The following PRKG1 variants were observed in gnomAD, a reference collection of about 807,000 sequenced individuals.
PRKG1 encodes the protein protein kinase cGMP-dependent 1.
A neutral mutation model predicts 88.1 loss-of-function variants in PRKG1; 35 were observed. That is an observed-to-expected ratio of 0.40 (90% CI 0.30 to 0.53). The LOEUF is 0.53. Ranked by LOEUF, PRKG1 falls within the 20% of genes least tolerant of loss-of-function variation. The probability of loss-of-function intolerance (pLI) is 0.59; values close to 1 mark genes in which losing one functional copy is unlikely to be tolerated. For synonymous variants in PRKG1, 303 were observed against 292.5 expected, an observed-to-expected ratio of 1.04 and a Z score of -0.37; for missense variants, 540 against 839.8, an observed-to-expected ratio of 0.64 and a Z score of 4.41.
chr10:52,130,103 T>C (rs1215082774), intron 7 of PRKG1, among the ~76,000 whole-genome samples: 2 of 152,238 alleles, frequency 1.3e-5, no homozygotes, highest in Non-Finnish European at 2.9e-5. Context: ...TCCCGACATG[T>C]ACTATATGCT....
At chr10:52,112,040 C>A (rs1420591629) in intron 7 of PRKG1, among the ~76,000 whole-genome samples, 1 of 152,196 alleles carries the variant, frequency 6.6e-6, no homozygotes, top group Non-Finnish European at 1.5e-5. Flanking sequence ...CTTCCATATA[C>A]CCTGAAGCCA....
intron 3 of PRKG1, among the ~76,000 whole-genome samples, chr10:51,747,134 G>A (rs984887237): frequency 2.5e-4 from 38 of 152,274 alleles, no homozygotes; most frequent in African/African-American, 9.1e-4. Context: ...GGAGAGGAAA[G>A]AATAAATTAT....
chr10:52,287,665 C>A (rs1842149254), intron 14 of PRKG1, among the ~76,000 whole-genome samples: 1 of 149,314 alleles, frequency 6.7e-6, no homozygotes, highest in Non-Finnish European at 1.5e-5. Context: ...CTCACTGAAG[C>A]TGCCACAAAC....
chr10:52,069,535 C>CA (rs574862259), intron 7 of PRKG1, among the ~76,000 whole-genome samples: 114 of 151,470 alleles, frequency 7.5e-4, no homozygotes, highest in African/African-American at 2.5e-3. Context: ...ATCTCAAAAA[C>CA]AAAAAAGAAA....
chr10:51,697,518 C>A lies in PRKG1; in HGVS notation c.593-107067C>A, dbSNP rs961162425. The A allele has an allele frequency of 8.0e-6, 5 of 625,978 alleles. No individual in the cohort carries two copies. In the Admixed American group the frequency reaches 1.2e-4, roughly 16 times the overall value. The allele number at this position is 625,978 out of a possible 1,614,324, so 38.8% of individuals were successfully genotyped here. A position where few individuals can be genotyped will look rare whatever the true frequency, so the allele number is the denominator to read the frequency against. On this transcript the variant is annotated intron_variant, in intron 3 of 17. Transcript: ENST00000373980. ...GAACAGACGCACTCCCTCCTCCCCCCACCCTCAATTAAAAAAAAAAGGAAA... is the reference window on the plus strand; with the variant it reads ...GAACAGACGCACTCCCTCCTCCCCCAACCCTCAATTAAAAAAAAAAGGAAA...
intron 3 of PRKG1, among the ~76,000 whole-genome samples, chr10:51,720,483 T>C (rs77418013): frequency 0.015 from 2,290 of 152,322 alleles, 25 homozygotes; most frequent in Non-Finnish European, 0.024. Context: ...AGTTTTACCG[T>C]CATCACCACA....
chr10:51,281,659 C>T (rs1328462085), intron 2 of PRKG1, among the ~76,000 whole-genome samples: 3 of 152,190 alleles, frequency 2.0e-5, no homozygotes, highest in East Asian at 1.9e-4. Flanking sequence ...GCAGCAGAAA[C>T]CTCTGCAGAC....
chr10:51,962,662 A>T (rs2133074286), intron 5 of PRKG1, among the ~76,000 whole-genome samples: 1 of 152,188 alleles, frequency 6.6e-6, no homozygotes, highest in South Asian at 2.1e-4. Flanking sequence ...AATTTAACTA[A>T]TGTAATGTCT....
intron 4 of PRKG1, among the ~76,000 whole-genome samples, chr10:51,874,269 T>C (rs1773305394): frequency 6.6e-6 from 1 of 152,218 alleles, no homozygotes; most frequent in Non-Finnish European, 1.5e-5. Flanking sequence ...ATAAAACTGT[T>C]GCCTTGTGCA....
intron 1 of PRKG1, among the ~76,000 whole-genome samples, chr10:51,002,703 A>T (rs1261394467): frequency 6.6e-6 from 1 of 152,174 alleles, no homozygotes; most frequent in Non-Finnish European, 1.5e-5. Flanking sequence ...CCTGGATGTG[A>T]AGCAGTCTTG....
chr10:51,942,589 T>G (rs1242891435), intron 5 of PRKG1, among the ~76,000 whole-genome samples: 2 of 147,736 alleles, frequency 1.4e-5, no homozygotes, highest in African/African-American at 2.6e-5. Context: ...GTTTTAGGTC[T>G]AACGTTTAAG....
At chr10:51,384,586 C>A (rs1320009081) in intron 2 of PRKG1, among the ~76,000 whole-genome samples, 1 of 152,072 alleles carries the variant, frequency 6.6e-6, no homozygotes, top group Non-Finnish European at 1.5e-5. Flanking sequence ...TACTAATAAA[C>A]CCTCACCCAC....
At chr10:51,980,246 C>A (rs1843972378) in intron 5 of PRKG1, among the ~76,000 whole-genome samples, 1 of 152,134 alleles carries the variant, frequency 6.6e-6, no homozygotes, top group Non-Finnish European at 1.5e-5. Context: ...ACTTAAAAGT[C>A]ATTCAGAAGC....
Position 51,818,773 on chromosome 10 carries a change from C to T in PRKG1, c.698+14083C>T, listed in dbSNP as rs1285011449. On this transcript the variant is annotated intron_variant, in intron 4 of 17. Coordinates refer to ENST00000373980, the MANE Select transcript of PRKG1 (RefSeq NM_006258.4). ...CTGTAATCCCAGCACTTTGGGAGGC[C>T]GAGGCGGGCGGATCACGAGGTCAGG... Among the ~76,000 whole-genome samples, 4 of 137,706 alleles carry T rather than the reference C, an allele frequency of 2.9e-5. 1 individual carries two copies. The highest frequency in any genetic ancestry group is 2.2e-4 in the South Asian group (1 of 4,496). The allele number at this position is 137,706 out of a possible 152,430, so 90.3% of individuals were successfully genotyped here.
At chr10:51,657,244 C>G (rs764904765) in intron 3 of PRKG1, among the ~76,000 whole-genome samples, 8 of 152,076 alleles carry the variant, frequency 5.3e-5, no homozygotes, top group Non-Finnish European at 1.2e-4. Context: ...CCTTCAAACT[C>G]TCATTTATAT....
chr10:51,435,135 G>T (rs2132733500), intron 2 of PRKG1, among the ~76,000 whole-genome samples: 1 of 152,122 alleles, frequency 6.6e-6, no homozygotes, highest in East Asian at 1.9e-4. Context: ...GGAGGAGTTT[G>T]GTATGAAATG....
chr10:51,991,669 T>C (rs1336150554), intron 5 of PRKG1, among the ~76,000 whole-genome samples: 1 of 152,198 alleles, frequency 6.6e-6, no homozygotes, highest in East Asian at 1.9e-4. Context: ...CTGAGAATGA[T>C]GGTTTCCAGC....
At position 52,215,362 on chromosome 10, in the gene PRKG1, C is replaced by A. The variant is rs1388821563; in HGVS notation, c.1077-36208C>A. Among the ~76,000 whole-genome samples the A allele has an allele frequency of 2.0e-5, 3 of 150,064 alleles. No homozygotes were observed. In the South Asian group the frequency reaches 6.3e-4, roughly 31 times the overall value. ...TGAGTCAAGATCAGGCCATTGCACT[C>A]CAGCCTGGGCGACAAGAGCAAAACT... On this transcript the variant is annotated intron_variant, in intron 9 of 17. Coordinates refer to ENST00000373980, the MANE Select transcript of PRKG1 (RefSeq NM_006258.4).
intron 3 of PRKG1, among the ~76,000 whole-genome samples, chr10:51,572,246 T>G (rs2132170003): frequency 1.3e-5 from 2 of 152,036 alleles, no homozygotes; most frequent in Admixed American, 1.3e-4. Context: ...AGCCATACAC[T>G]GTGCCATGTG....
Sources: allele counts gnomAD v4.1 joint callset (sites outside exome capture counted in the v4.1 genomes callset), GRCh38; gene constraint gnomAD v4.1.1; transcripts MANE v1.5; gene names NCBI Gene and HGNC (gene_info 2026-07-23, HGNC 2026-07-21).